Variants in MVB12B observed in about 807,000 individuals in gnomAD.
MVB12B encodes ESCRT-I complex subunit MVB12B.
Under a neutral mutation model 41.6 loss-of-function variants are expected in MVB12B, and 16 were observed. That is an observed-to-expected ratio of 0.38 (90% CI 0.26 to 0.58). The LOEUF (loss-of-function observed/expected upper bound fraction) is 0.58. MVB12B is among the 20% of genes least tolerant of loss of function. MVB12B has a pLI of 0.62. For missense variants in MVB12B, 274 were observed against 380.2 expected, an observed-to-expected ratio of 0.72 and a Z score of 2.32; for synonymous variants, 133 against 139.7, an observed-to-expected ratio of 0.95 and a Z score of 0.34.
intron 7 of MVB12B, among the ~76,000 whole-genome samples, chr9:126,464,466 G>A (rs1287823919): frequency 6.6e-6 from 1 of 152,200 alleles, no homozygotes; most frequent in Non-Finnish European, 1.5e-5. Flanking sequence ...CTGGACTGTG[G>A]CATTTGACAT....
chr9:126,465,551 G>A (rs780753939), intron 7 of MVB12B, among the ~76,000 whole-genome samples: 6 of 151,754 alleles, frequency 4.0e-5, no homozygotes, highest in South Asian at 2.1e-4. Flanking sequence ...TCTTCCCATC[G>A]TTACTTATTC....
intron 9 of MVB12B, among the ~76,000 whole-genome samples, chr9:126,491,732 T>G (rs1833736544): frequency 6.6e-6 from 1 of 152,204 alleles, no homozygotes. Flanking sequence ...CCTACAGAGC[T>G]GTCACACTGA....
chr9:126,459,396 A>G lies in MVB12B; in HGVS notation c.758-21973A>G, dbSNP rs559727771. On this transcript the variant is annotated intron_variant, in intron 7 of 9. Coordinates refer to ENST00000361171, the MANE Select transcript of MVB12B (RefSeq NM_033446.3). This position sits in a 1 kb window ranked among gnomAD's most constrained non-coding sequence, Gnocchi z 4.3. ...TGGCACAAAGTCCAAAGCCGTCTCC[A>G]AGACGCAGCTGCATCACTGCCTGCC... Among the ~76,000 whole-genome samples, 59 of 152,332 alleles carry G rather than the reference A, an allele frequency of 3.9e-4. No individual in the cohort carries two copies. The highest frequency in any genetic ancestry group is 3.4e-3 in the Middle Eastern group (1 of 294).
At chr9:126,479,090 CAG>C (rs1002975210) in intron 7 of MVB12B, among the ~76,000 whole-genome samples, 1 of 150,408 alleles carries the variant, frequency 6.6e-6, no homozygotes, top group Admixed American at 6.7e-5. Context: ...TGGATGTGGG[CAG>C]AGAGTGGGAA....
At chr9:126,499,470 G>A (rs967255716) in intron 9 of MVB12B, among the ~76,000 whole-genome samples, 2 of 152,218 alleles carry the variant, frequency 1.3e-5, no homozygotes, top group African/African-American at 4.8e-5. Flanking sequence ...TTGTTCGCAA[G>A]TGCAGGTTTT....
chr9:126,375,363 C>CTTTTTTTTTT (rs35585049), intron 2 of MVB12B, among the ~76,000 whole-genome samples: 5 of 105,194 alleles, frequency 4.8e-5, no homozygotes, highest in Admixed American at 2.1e-4. Context: ...TAAATTGATT[C>CTTTTTTTTTT]TTTTTTTTTT....
intron 8 of MVB12B, among the ~76,000 whole-genome samples, chr9:126,482,550 G>C (rs1057145853): frequency 4.0e-5 from 6 of 150,798 alleles, no homozygotes; most frequent in Non-Finnish European, 7.3e-5. Flanking sequence ...GCCGTTCCCT[G>C]GGAGAGGCAG....
At chr9:126,400,048 T>G (rs575003593) in intron 6 of MVB12B, among the ~76,000 whole-genome samples, 2 of 152,254 alleles carry the variant, frequency 1.3e-5, no homozygotes, top group African/African-American at 4.8e-5. Flanking sequence ...TACAGCCTGG[T>G]GTGCACAGCG....
intron 7 of MVB12B, among the ~76,000 whole-genome samples, chr9:126,461,199 C>T (rs910989742): frequency 6.6e-6 from 1 of 152,210 alleles, no homozygotes; most frequent in African/African-American, 2.4e-5. Flanking sequence ...GTTCCATTGT[C>T]CCCACCTGGG....
chr9:126,457,024 G>A (rs1458277164), intron 7 of MVB12B, among the ~76,000 whole-genome samples: 1 of 152,168 alleles, frequency 6.6e-6, no homozygotes, highest in Admixed American at 6.6e-5. Context: ...TCTCACCAGA[G>A]TTTCTTCCAC....
rs1211706604 is a variant in MVB12B, at chr9:126,506,209, G to A, written c.*2946G>A. ...TAAAGGAATTGCAGGTCGGTGAGAG[G>A]ACAAGAGGGACTCCCATGTTCTAAG... On this transcript the variant is annotated 3_prime_UTR_variant, in exon 10 of 10. Coordinates refer to ENST00000361171, the MANE Select transcript of MVB12B (RefSeq NM_033446.3). 1 of 152,650 alleles carries A rather than the reference G, an allele frequency of 6.6e-6. No homozygotes were observed. The highest frequency in any genetic ancestry group is 2.4e-5 in the African/African-American group (1 of 41,440). The allele number at this position is 152,650 out of a possible 1,614,324, so 9.5% of individuals were successfully genotyped here. A position where few individuals can be genotyped will look rare whatever the true frequency, so the allele number is the denominator to read the frequency against.
At chr9:126,419,807 C>T (rs928553880) in intron 6 of MVB12B, among the ~76,000 whole-genome samples, 2 of 152,192 alleles carry the variant, frequency 1.3e-5, no homozygotes, top group Admixed American at 1.3e-4. Context: ...CTGGGCTGCA[C>T]CCGGCCAGGC....
At chr9:126,362,132 T>A (rs927479531) in intron 2 of MVB12B, among the ~76,000 whole-genome samples, 1 of 152,178 alleles carries the variant, frequency 6.6e-6, no homozygotes, top group Non-Finnish European at 1.5e-5. Context: ...ATTGATCTTC[T>A]TGAATTTGTG....
intron 2 of MVB12B, among the ~76,000 whole-genome samples, chr9:126,363,420 G>A (rs879936469): frequency 3.3e-5 from 5 of 152,024 alleles, no homozygotes; most frequent in African/African-American, 9.7e-5. Context: ...AGAAGTGATC[G>A]ACCTGTGGAC....
intron 7 of MVB12B, among the ~76,000 whole-genome samples, chr9:126,464,293 G>A (rs1319251059): frequency 6.6e-6 from 1 of 152,172 alleles, no homozygotes; most frequent in Non-Finnish European, 1.5e-5. Context: ...TCTCCAGGCT[G>A]ATCCCACAGC....
intron 7 of MVB12B, among the ~76,000 whole-genome samples, chr9:126,425,109 T>G (rs992598225): frequency 6.6e-6 from 1 of 152,182 alleles, no homozygotes; most frequent in Non-Finnish European, 1.5e-5. Flanking sequence ...TGATCTCATT[T>G]TAACAATTAC....
intron 2 of MVB12B, among the ~76,000 whole-genome samples, chr9:126,380,695 C>T (rs1830609897): frequency 6.6e-6 from 1 of 152,226 alleles, no homozygotes; most frequent in Non-Finnish European, 1.5e-5. Flanking sequence ...TGGCTCATCA[C>T]ACCCAGTGGA....
rs1423102722 is a variant in MVB12B, at chr9:126,468,852, TG to T, written c.758-12515del. On this transcript the variant is annotated intron_variant, in intron 7 of 9. Transcript: ENST00000361171. The surrounding 1 kb of genome is among the most constrained non-coding windows in gnomAD (Gnocchi z 4.3). ...ATGGCCATCAGGACTCCTGGCAGGC[TG>T]GTTCTTGGTTGTCTCTGGACCCTAC... 6.6e-6 allele frequency among the ~76,000 whole-genome samples: 1 copy of T among 152,252 alleles called. No homozygotes were observed. Among genetic ancestry groups the T allele is most frequent in the Non-Finnish European group, 1.5e-5 (1 of 68,044 alleles).
chr9:126,455,551 C>T (rs887566135), intron 7 of MVB12B, among the ~76,000 whole-genome samples: 21 of 152,248 alleles, frequency 1.4e-4, no homozygotes, highest in Non-Finnish European at 2.4e-4. Flanking sequence ...GTGGCAAGAT[C>T]ATCACTCACT....
Sources: allele counts gnomAD v4.1 joint callset (sites outside exome capture counted in the v4.1 genomes callset), GRCh38; gene constraint gnomAD v4.1.1; non-coding constraint Gnocchi (gnomAD v3.1); transcripts MANE v1.5; gene names NCBI Gene and HGNC (gene_info 2026-07-23, HGNC 2026-07-21).